The following TCF7 variants were observed in gnomAD, a reference collection of about 807,000 sequenced individuals.
TCF7 encodes transcription factor 7.
TCF7 carries 19 observed loss-of-function variants against 46.8 expected under a neutral mutation model. That is an observed-to-expected ratio of 0.41 (90% confidence interval 0.28 to 0.60). The LOEUF (loss-of-function observed/expected upper bound fraction) is 0.60, where lower values mean the gene tolerates loss of function less well. TCF7 is among the 20% of genes least tolerant of loss of function. TCF7 has a pLI of 0.35. For missense variants in TCF7, 547 were observed against 504.6 expected (o/e 1.08, Z -0.81); for synonymous variants, 245 against 213.4 (o/e 1.15, Z -1.29).
In TCF7 at chr5:134,143,053, C is replaced by G. The variant is rs1443308084; in HGVS notation, c.979C>G (p.Gln327Glu). 6.2e-7 allele frequency: 1 copy of G among 1,611,376 alleles called. No individual in the cohort carries two copies. Among genetic ancestry groups the G allele is most frequent in the African/African-American group, 1.3e-5 (1 of 74,910 alleles). The stretch of plus-strand genomic sequence containing the variant: ...CTATGAGCTGGCCCGCAAGGAGAGG[C>G]AGCTGCACATGCAGCTATACCCAGG... Reference protein sequence around the residue: ...KYYELARKERQLHMQLYPGWS... With the variant: ...KYYELARKERELHMQLYPGWS... Residue 327 changes from glutamine to glutamate, a missense_variant, in exon 8 of 10, where the codon CAG becomes GAG. Transcript: ENST00000342854.
intron 5 of TCF7, chr5:134,141,904 A>T (rs1463414609): frequency 3.5e-6 from 1 of 283,950 alleles, no homozygotes; most frequent in Admixed American, 4.9e-5. Flanking sequence ...CTGGGTTGGT[A>T]GGGGAAGGAC....
chr5:134,137,439 A>AC (rs1014126300), intron 3 of TCF7, among the ~76,000 whole-genome samples: 3 of 151,286 alleles, frequency 2.0e-5, no homozygotes, highest in Non-Finnish European at 4.4e-5. Context: ...AAAAAAAAAA[A>AC]AAAAAAAACA....
upstream of TCF7, among the ~76,000 whole-genome samples, chr5:134,114,423 G>A (rs1755508466): frequency 2.0e-5 from 3 of 152,182 alleles, no homozygotes; most frequent in Admixed American, 2.0e-4. Context: ...AAACCTGGGC[G>A]CAGAAAGCAG....
chr5:134,128,519 G>A (rs1019076963), intron 3 of TCF7, among the ~76,000 whole-genome samples: 2 of 151,872 alleles, frequency 1.3e-5, no homozygotes, highest in African/African-American at 4.8e-5. Flanking sequence ...CTTCATGACC[G>A]TGGCGGCCTC....
intron 3 of TCF7, among the ~76,000 whole-genome samples, chr5:134,121,062 G>A (rs1314535705): frequency 6.6e-6 from 1 of 152,150 alleles, no homozygotes; most frequent in East Asian, 1.9e-4. Context: ...CCTGGGACTG[G>A]GGACTCAGGT....
chr5:134,125,247 G>T (rs945134516), intron 3 of TCF7, among the ~76,000 whole-genome samples: 2 of 152,202 alleles, frequency 1.3e-5, no homozygotes, highest in African/African-American at 4.8e-5. Context: ...TGGCCTGCTG[G>T]GCCGCCATCT....
chr5:134,139,352 A>ACC (rs1487309932), intron 5 of TCF7: 1 of 339,752 alleles, frequency 2.9e-6, no homozygotes, highest in Non-Finnish European at 5.5e-6. Flanking sequence ...CTGCTAAGGG[A>ACC]CCTCCAGGGC....
rs1405463505 is a variant in TCF7, at chr5:134,138,735, G to C, written c.548-216G>C. ...TGCCTACTGGCCCCCTAATGTCTTA[G>C]GCAAGTCACCCCAGCCCTCTGCCCT... On this transcript the variant is annotated intron_variant, in intron 4 of 9. Coordinates refer to ENST00000342854, the MANE Select transcript of TCF7 (RefSeq NM_003202.5). The C allele has an allele frequency of 7.7e-6, 5 of 652,016 alleles. No individual in the cohort carries two copies. The African/African-American group carries it at 9.1e-5, about 12-fold the overall frequency. 40.4% of individuals were successfully genotyped at this position (652,016 alleles called of 1,614,324 possible). A position where few individuals can be genotyped will look rare whatever the true frequency, so the allele number is the denominator to read the frequency against.
At chr5:134,125,507 G>T (rs995737174) in intron 3 of TCF7, among the ~76,000 whole-genome samples, 5 of 152,242 alleles carry the variant, frequency 3.3e-5, no homozygotes, top group African/African-American at 1.2e-4. Context: ...GTCTCACTCA[G>T]CTGGTGAAAG....
intron 4 of TCF7, 126 bp downstream of exon 4, chr5:134,138,290 C>T: frequency 2.6e-6 from 2 of 771,324 alleles, no homozygotes; most frequent in South Asian, 3.8e-5. Flanking sequence ...AAACTAAGGG[C>T]CCAAAGAAAA....
chr5:134,120,153 G>T (rs1355617706), intron 3 of TCF7, among the ~76,000 whole-genome samples: 1 of 152,072 alleles, frequency 6.6e-6, no homozygotes, highest in African/African-American at 2.4e-5. Flanking sequence ...GAAGACAGAG[G>T]AGGGACTGGC....
intron 3 of TCF7, among the ~76,000 whole-genome samples, chr5:134,123,093 T>C (rs1453631896): frequency 6.6e-6 from 1 of 152,208 alleles, no homozygotes; most frequent in Non-Finnish European, 1.5e-5. Flanking sequence ...AGAGACAGTG[T>C]GTGAAACACC....
At chr5:134,139,572 T>G (rs1190977120) in intron 5 of TCF7, 1 of 153,840 alleles carries the variant, frequency 6.5e-6, no homozygotes, top group Non-Finnish European at 1.5e-5. Flanking sequence ...GCTTGGAGAT[T>G]CTTAAGGCTG....
At chr5:134,121,551 T>C (rs1756579487) in intron 3 of TCF7, among the ~76,000 whole-genome samples, 2 of 146,726 alleles carry the variant, frequency 1.4e-5, no homozygotes, top group East Asian at 2.0e-4. Flanking sequence ...ATTGCGCCAC[T>C]GCACTCCAGC....
At chr5:134,144,922 T>C (rs1760462881) in intron 9 of TCF7, 2 of 1,503,966 alleles carry the variant, frequency 1.3e-6, no homozygotes, top group Non-Finnish European at 1.8e-6. Flanking sequence ...CTTCCCTGAC[T>C]CTGCACATGT....
At chr5:134,111,880 G>A (rs543722935), upstream of TCF7, among the ~76,000 whole-genome samples, 106 of 152,334 alleles carry the variant, frequency 7.0e-4, no homozygotes, top group African/African-American at 2.4e-3. Flanking sequence ...GAACTTAGGT[G>A]ACTTCATCTC....
At chr5:134,144,721 C>T in intron 9 of TCF7, 2 of 1,142,952 alleles carry the variant, frequency 1.7e-6, no homozygotes, top group Non-Finnish European at 2.7e-6. Context: ...GTTACCTCTT[C>T]TTTCTGGGCC....
intron 3 of TCF7, among the ~76,000 whole-genome samples, chr5:134,131,677 G>A (rs1457344028): frequency 1.3e-5 from 2 of 152,210 alleles, no homozygotes; most frequent in African/African-American, 4.8e-5. Context: ...AGACAGAGAT[G>A]ACTAACCAGC....
At chr5:134,139,242 C>G in intron 5 of TCF7, 1 of 711,392 alleles carries the variant, frequency 1.4e-6, no homozygotes, top group East Asian at 2.8e-5. Flanking sequence ...CCCCAGGGAG[C>G]CTGACATACT....
Sources: gnomAD v4.1 joint callset for allele counts (sites outside exome capture counted in the v4.1 genomes callset) on GRCh38, gnomAD v4.1.1 for gene constraint, MANE v1.5 for transcripts, NCBI Gene and HGNC (gene_info 2026-07-23, HGNC 2026-07-21) for gene names.